Variants in RABGAP1L observed in about 807,000 individuals in gnomAD.
RABGAP1L encodes the protein RAB GTPase activating protein 1 like, also known as rab GTPase-activating protein 1-like.
A neutral mutation model predicts 137.7 loss-of-function variants in RABGAP1L; 63 were observed. The ratio of observed to expected loss-of-function variants is 0.46; its 90% confidence interval spans 0.37 to 0.56. The LOEUF (loss-of-function observed/expected upper bound fraction) is 0.56, where lower values mean the gene tolerates loss of function less well. Among genes scored for constraint, RABGAP1L ranks in the 20% least tolerant of loss-of-function variants. The pLI is 0.00. For missense variants in RABGAP1L, 1,095 were observed against 1,244.0 expected (o/e 0.88, Z 1.80); for synonymous variants, 431 against 433.7 (o/e 0.99, Z 0.08).
At chr1:174,379,103 G>A (rs1400167651) in intron 12 of RABGAP1L, among the ~76,000 whole-genome samples, 2 of 143,050 alleles carry the variant, frequency 1.4e-5, no homozygotes, top group African/African-American at 5.3e-5. Context: ...TTGTAGATAT[G>A]CGGCGTTATT....
chr1:174,635,551 G>T (rs924717458), intron 13 of RABGAP1L, among the ~76,000 whole-genome samples: 5 of 151,880 alleles, frequency 3.3e-5, no homozygotes, highest in Non-Finnish European at 5.9e-5. Flanking sequence ...ACCCCACCCT[G>T]CAGTTTTCTT....
intron 10 of RABGAP1L, among the ~76,000 whole-genome samples, chr1:174,280,958 A>G (rs1203898974): frequency 6.6e-6 from 1 of 152,066 alleles, no homozygotes; most frequent in Non-Finnish European, 1.5e-5. Context: ...ACTGACTTCA[A>G]GAGTGAAGCC....
chr1:174,287,256 A>T lies in RABGAP1L; in HGVS notation c.1323+8477A>T, dbSNP rs1307179041. On this transcript the variant is annotated intron_variant, in intron 10 of 25. Transcript: ENST00000681986. ...TACAATAGTTAAATCTTCTTGATGA[A>T]TTGACCCCTCTGTCATTATATAATG... 5.3e-5 allele frequency among the ~76,000 whole-genome samples: 8 copies of T among 152,156 alleles called. No homozygotes were observed. In the East Asian group the frequency reaches 1.5e-3, roughly 29 times the overall value.
In RABGAP1L at chr1:174,253,449, G is replaced by C. The variant is rs574406725; in HGVS notation, c.986+859G>C. Among the ~76,000 whole-genome samples, 3 of 152,230 alleles carry C rather than the reference G, an allele frequency of 2.0e-5. 1 individual carries two copies. The South Asian group carries it at 6.2e-4, about 32-fold the overall frequency. ...TTGGACACATAAGTCTTATTCTAGG[G>C]AATCTGTGCTATTCAAAATAAAAGT... On this transcript the variant is annotated intron_variant, in intron 7 of 25. Coordinates refer to ENST00000681986, the MANE Select transcript of RABGAP1L (RefSeq NM_001366446.1).
chr1:174,810,848 A>C (rs144201130), intron 18 of RABGAP1L, among the ~76,000 whole-genome samples: 1 of 152,310 alleles, frequency 6.6e-6, no homozygotes, highest in Non-Finnish European at 1.5e-5. Context: ...CTGTAATCCC[A>C]GCACTTTGGG....
At chr1:174,884,122 T>C (rs1463266054) in intron 19 of RABGAP1L, among the ~76,000 whole-genome samples, 1 of 152,208 alleles carries the variant, frequency 6.6e-6, no homozygotes, top group Non-Finnish European at 1.5e-5. Flanking sequence ...ACAAAAGCCA[T>C]TTAATCAGAC....
chr1:174,430,045 G>A (rs574279106), intron 13 of RABGAP1L, among the ~76,000 whole-genome samples: 7 of 152,200 alleles, frequency 4.6e-5, no homozygotes, highest in African/African-American at 1.7e-4. Flanking sequence ...TTCCCAATAA[G>A]GCATCTCTGG....
chr1:174,292,610 A>C (rs1343787958), intron 10 of RABGAP1L, among the ~76,000 whole-genome samples: 2 of 151,878 alleles, frequency 1.3e-5, no homozygotes, highest in African/African-American at 4.8e-5. Context: ...TTGGTCACAG[A>C]GTATACTCTA....
chr1:174,800,765 A>T (rs964891147), intron 18 of RABGAP1L, among the ~76,000 whole-genome samples: 2 of 152,168 alleles, frequency 1.3e-5, no homozygotes, highest in Non-Finnish European at 2.9e-5. Context: ...CAGCAAAAAA[A>T]TGGTTTTCTG....
At chr1:174,162,987 G>A (rs1664626484) in intron 1 of RABGAP1L, among the ~76,000 whole-genome samples, 3 of 150,704 alleles carry the variant, frequency 2.0e-5, no homozygotes, top group Admixed American at 1.3e-4. Context: ...TATACCTAAT[G>A]CTAGATGATG....
chr1:174,647,756 T>TG (rs1675106174), intron 14 of RABGAP1L, among the ~76,000 whole-genome samples: 1 of 152,074 alleles, frequency 6.6e-6, no homozygotes, highest in African/African-American at 2.4e-5. Context: ...CTTTTTCTAT[T>TG]TTTGAAATAG....
intron 1 of RABGAP1L, among the ~76,000 whole-genome samples, chr1:174,172,322 T>A (rs1665484673): frequency 6.6e-6 from 1 of 152,144 alleles, no homozygotes; most frequent in African/African-American, 2.4e-5. Flanking sequence ...TGTGAAAGCA[T>A]ATATCTCTAT....
At chr1:174,244,097 A>C (rs1328490896) in intron 5 of RABGAP1L, among the ~76,000 whole-genome samples, 1 of 152,108 alleles carries the variant, frequency 6.6e-6, no homozygotes, top group Non-Finnish European at 1.5e-5. Flanking sequence ...TTCTAGTTAC[A>C]TTTACTGGTC....
At chr1:174,772,065 G>A (rs1686151085) in intron 18 of RABGAP1L, among the ~76,000 whole-genome samples, 1 of 152,076 alleles carries the variant, frequency 6.6e-6, no homozygotes, top group Non-Finnish European at 1.5e-5. Context: ...CGGGCCTGGT[G>A]GTGGGTGCCT....
At chr1:174,582,981 A>G (rs962356058) in intron 13 of RABGAP1L, among the ~76,000 whole-genome samples, 1 of 152,196 alleles carries the variant, frequency 6.6e-6, no homozygotes, top group Non-Finnish European at 1.5e-5. Context: ...ATTTCAAATT[A>G]TGTAAATCTC....
chr1:174,688,481 A>C lies in RABGAP1L; in HGVS notation c.1899+4885A>C, dbSNP rs1352829737. 3.9e-5 allele frequency among the ~76,000 whole-genome samples: 6 copies of C among 152,232 alleles called. No homozygotes were observed. The East Asian group carries it at 1.2e-3, about 29-fold the overall frequency. ...ATTGAATTTTTTTAAAAAAACTATG[A>C]CTAGGTACAATTCCTTTCGAAACCA... On this transcript the variant is annotated intron_variant, in intron 15 of 25. Coordinates refer to ENST00000681986, the MANE Select transcript of RABGAP1L (RefSeq NM_001366446.1).
intron 14 of RABGAP1L, among the ~76,000 whole-genome samples, chr1:174,674,716 T>G (rs1468568093): frequency 6.6e-6 from 1 of 151,630 alleles, no homozygotes. Context: ...AGTGTAAAAG[T>G]GTTCCTATTT....
At chr1:174,482,871 G>T (rs1273995894) in intron 13 of RABGAP1L, among the ~76,000 whole-genome samples, 1 of 151,724 alleles carries the variant, frequency 6.6e-6, no homozygotes, top group Admixed American at 6.6e-5. Flanking sequence ...TGTTCAGTGG[G>T]GCTGCTACAT....
At chr1:174,588,289 G>C (rs1308263133) in intron 13 of RABGAP1L, among the ~76,000 whole-genome samples, 3 of 151,932 alleles carry the variant, frequency 2.0e-5, no homozygotes, top group African/African-American at 7.3e-5. Flanking sequence ...TCAGCCTCCT[G>C]AGTAGCCAAG....
Sources: allele counts gnomAD v4.1 joint callset (sites outside exome capture counted in the v4.1 genomes callset), GRCh38; gene constraint gnomAD v4.1.1; transcripts MANE v1.5; gene names NCBI Gene and HGNC (gene_info 2026-07-23, HGNC 2026-07-21).